The following PCDHGA8 variants were observed in gnomAD, a reference collection of about 807,000 sequenced individuals.
PCDHGA8 encodes the protein protocadherin gamma subfamily A, 8, also known as protocadherin gamma-A8.
PCDHGA8 carries 45 observed loss-of-function variants against 59.2 expected under a neutral mutation model. The observed-to-expected ratio is 0.76, with a 90% confidence interval of 0.60 to 0.98. The LOEUF (loss-of-function observed/expected upper bound fraction) is 0.98, where lower values mean the gene tolerates loss of function less well. Among genes scored for constraint, PCDHGA8 ranks in the 50% least tolerant of loss-of-function variants. The pLI, the probability that PCDHGA8 is intolerant of heterozygous loss-of-function variation, is 0.00. For synonymous variants in PCDHGA8, 531 were observed against 519.0 expected, an observed-to-expected ratio of 1.02 and a Z score of -0.32; for missense variants, 1,257 against 1,196.2, an observed-to-expected ratio of 1.05 and a Z score of -0.75.
chr5:141,434,938 A>G (rs938787407), intron 1 of PCDHGA8, among the ~76,000 whole-genome samples: 2 of 151,738 alleles, frequency 1.3e-5, no homozygotes, highest in Admixed American at 1.3e-4. Flanking sequence ...TATATAATAG[A>G]TATAATTTAT....
chr5:141,482,245 G>A (rs72790067), intron 1 of PCDHGA8, among the ~76,000 whole-genome samples: 74 of 152,252 alleles, frequency 4.9e-4, no homozygotes, highest in Non-Finnish European at 7.9e-4. Flanking sequence ...TATAAGTATA[G>A]TACTGTACAT....
chr5:141,498,045 A>G (rs1368474174), intron 2 of PCDHGA8, among the ~76,000 whole-genome samples: 4 of 152,256 alleles, frequency 2.6e-5, no homozygotes, highest in Non-Finnish European at 4.4e-5. Flanking sequence ...AATTACAAAA[A>G]TAAATGTGAG....
chr5:141,478,249 A>T, intron 1 of PCDHGA8: 1 of 1,614,110 alleles, frequency 6.2e-7, no homozygotes, highest in African/African-American at 1.3e-5. Context: ...CAGTGTTCGG[A>T]GTAATCATAT....
At position 141,505,451 on chromosome 5, in the gene PCDHGA8, C is replaced by T. The variant is rs1350424069; in HGVS notation, c.2542C>T (p.Leu848=). Residue 848 remains leucine (L), a synonymous_variant, in exon 3 of 4, where the codon CTG becomes TTG. Transcript: ENST00000398604. The part of the protein sequence containing the change: ...WPNNQFDTEM[L]QAMILASASE... ...CAACAACCAGTTTGACACAGAGATG[C>T]TGCAAGCCATGATCTTGGCGTCCGC... The T allele has an allele frequency of 1.2e-6, 2 of 1,614,222 alleles. No individual in the cohort carries two copies. The highest frequency in any genetic ancestry group is 1.7e-6 in the Non-Finnish European group (2 of 1,180,048).
At chr5:141,420,359 A>G in intron 1 of PCDHGA8, 1 of 1,378,858 alleles carries the variant, frequency 7.3e-7, no homozygotes, top group Non-Finnish European at 9.6e-7. Flanking sequence ...TTAAGATTCT[A>G]GATAACTTCT....
intron 1 of PCDHGA8, among the ~76,000 whole-genome samples, chr5:141,401,908 T>C (rs942184637): frequency 1.3e-5 from 2 of 152,238 alleles, no homozygotes; most frequent in Admixed American, 1.3e-4. Flanking sequence ...CAAATTATTA[T>C]ATAAGTTTAA....
intron 1 of PCDHGA8, chr5:141,422,646 C>T (rs748692494): frequency 5.0e-6 from 8 of 1,611,836 alleles, no homozygotes; most frequent in Non-Finnish European, 6.8e-6. Flanking sequence ...CCTCCATCTT[C>T]TCAGTGACCG....
Position 141,431,721 on chromosome 5 carries a change from C to T in PCDHGA8, c.2424+36484C>T. The T allele has an allele frequency of 1.2e-6, 2 of 1,614,246 alleles. No homozygotes were observed. Among genetic ancestry groups the T allele is most frequent in the Non-Finnish European group, 1.7e-6 (2 of 1,180,044 alleles). On this transcript the variant is annotated intron_variant, in intron 1 of 3. Transcript: ENST00000398604. The surrounding 1 kb of genome is among the most constrained non-coding windows in gnomAD (Gnocchi z 4.8). ...GGATTCTACCAGATGGAAGTGCAAGCAATGGATAATGCAGGATATTCTGCG... is the reference window on the plus strand; with the variant it reads ...GGATTCTACCAGATGGAAGTGCAAGTAATGGATAATGCAGGATATTCTGCG...
At chr5:141,457,412 C>A (rs2098919309) in intron 1 of PCDHGA8, among the ~76,000 whole-genome samples, 1 of 152,188 alleles carries the variant, frequency 6.6e-6, no homozygotes. Flanking sequence ...TCACATTACC[C>A]ATCCCTTTTT....
rs778586702 is a variant in PCDHGA8, at chr5:141,404,963, A to G, written c.2424+9726A>G. 8.7e-6 allele frequency: 14 copies of G among 1,613,744 alleles called. No homozygotes were observed. In the South Asian group the frequency reaches 1.5e-4, roughly 18 times the overall value. ...AGCCATAGCTGACAGCATCCCAGAC[A>G]TCCTGGCTGACCTGGGCAGTCTTCA... On this transcript the variant is annotated intron_variant, in intron 1 of 3. Transcript: ENST00000398604.
chr5:141,476,036 A>G lies in PCDHGA8; in HGVS notation c.2425-18771A>G. The G allele has an allele frequency of 1.4e-6, 2 of 1,471,164 alleles. No individual in the cohort carries two copies. Among genetic ancestry groups the G allele is most frequent in the Non-Finnish European group, 1.8e-6 (2 of 1,106,602 alleles). 91.1% of individuals were successfully genotyped at this position (1,471,164 alleles called of 1,614,324 possible). ...ATGTCGGACTCGGCGCCCAGCGCCCAAGCGCTAACCCGCTGAAAGTTTCTC... is the reference window on the plus strand; with the variant it reads ...ATGTCGGACTCGGCGCCCAGCGCCCGAGCGCTAACCCGCTGAAAGTTTCTC... On this transcript the variant is annotated intron_variant, in intron 1 of 3. Transcript: ENST00000398604. The surrounding 1 kb of genome is among the most constrained non-coding windows in gnomAD (Gnocchi z 7.6).
chr5:141,417,644 AG>A, intron 1 of PCDHGA8: 1 of 779,202 alleles, frequency 1.3e-6, no homozygotes, highest in South Asian at 2.1e-5. Flanking sequence ...GGGATCCCTC[AG>A]CCTCTAGCCT....
intron 1 of PCDHGA8, among the ~76,000 whole-genome samples, chr5:141,464,442 G>A (rs890758574): frequency 3.3e-5 from 5 of 151,500 alleles, no homozygotes; most frequent in African/African-American, 1.2e-4. Flanking sequence ...TATGTTTGTT[G>A]TTGTTGTTGT....
Position 141,449,720 on chromosome 5 carries a change from T to C in PCDHGA8, c.2425-45087T>C, listed in dbSNP as rs373093679. 2.4e-4 allele frequency among the ~76,000 whole-genome samples: 36 copies of C among 151,876 alleles called. No individual in the cohort carries two copies. In the East Asian group the frequency reaches 3.1e-3, roughly 13 times the overall value. ...ACACAAACACATTATTTTTATATGA[T>C]ATGATTTTTTTATGACATGATTATT... On this transcript the variant is annotated intron_variant, in intron 1 of 3. Coordinates refer to ENST00000398604, the MANE Select transcript of PCDHGA8 (RefSeq NM_032088.2).
chr5:141,410,251 C>T, intron 1 of PCDHGA8: 1 of 1,614,016 alleles, frequency 6.2e-7, no homozygotes, highest in Non-Finnish European at 8.5e-7. Flanking sequence ...TACTCTCTGA[C>T]CCCCAGGCTG....
intron 1 of PCDHGA8, among the ~76,000 whole-genome samples, chr5:141,463,844 G>A (rs545618795): frequency 1.3e-5 from 2 of 152,258 alleles, no homozygotes; most frequent in East Asian, 3.9e-4. Context: ...AGTTGTTATA[G>A]TGGTATATCT....
In PCDHGA8 at chr5:141,432,670, G is replaced by C; in HGVS notation, c.2424+37433G>C. On this transcript the variant is annotated intron_variant, in intron 1 of 3. Transcript: ENST00000398604. The surrounding 1 kb of genome is among the most constrained non-coding windows in gnomAD (Gnocchi z 6.0). ...CGCGAGCCCTGCTGGACAGAGACGCGCTCAAGCAGAGCCTCGTAGTGGCCG... is the reference window on the plus strand; with the variant it reads ...CGCGAGCCCTGCTGGACAGAGACGCCCTCAAGCAGAGCCTCGTAGTGGCCG... 1 of 1,613,868 alleles carries C rather than the reference G, an allele frequency of 6.2e-7. No homozygotes were observed. The highest frequency in any genetic ancestry group is 8.5e-7 in the Non-Finnish European group (1 of 1,179,940).
chr5:141,423,435 G>A (rs2096740494), intron 1 of PCDHGA8: 1 of 1,613,892 alleles, frequency 6.2e-7, no homozygotes, highest in Admixed American at 1.7e-5. Context: ...TGGCAGGTAT[G>A]CCCACGTCAC....
chr5:141,445,137 T>C (rs933188032), intron 1 of PCDHGA8, among the ~76,000 whole-genome samples: 9 of 152,248 alleles, frequency 5.9e-5, no homozygotes, highest in Admixed American at 3.3e-4. Context: ...AAATTGTATC[T>C]TCTAATTGTT....
Sources: gnomAD v4.1 joint callset for allele counts (sites outside exome capture counted in the v4.1 genomes callset) on GRCh38, gnomAD v4.1.1 for gene constraint, Gnocchi (gnomAD v3.1) non-coding constraint, MANE v1.5 for transcripts, NCBI Gene and HGNC (gene_info 2026-07-23, HGNC 2026-07-21) for gene names.